The following MTUS2 variants were observed in gnomAD, a reference collection of about 807,000 sequenced individuals.
The protein encoded by MTUS2 is microtubule-associated tumor suppressor candidate 2.
A neutral mutation model predicts 114.1 loss-of-function variants in MTUS2; 40 were observed. The observed-to-expected ratio is 0.35, with a 90% confidence interval of 0.27 to 0.46. MTUS2 has a LOEUF of 0.46. Among genes scored for constraint, MTUS2 ranks in the 20% least tolerant of loss-of-function variants. The pLI is 1.00. For missense variants in MTUS2, 1,679 were observed against 1,705.4 expected, an observed-to-expected ratio of 0.98 and a Z score of 0.27; for synonymous variants, 688 against 672.0, an observed-to-expected ratio of 1.02 and a Z score of -0.37.
At chr13:28,829,222 A>G (rs2137942874) in intron 1 of MTUS2, among the ~76,000 whole-genome samples, 2 of 152,280 alleles carry the variant, frequency 1.3e-5, no homozygotes, top group East Asian at 3.9e-4. Context: ...GCTCCATTGT[A>G]GCCTTCAAAA....
In MTUS2 at chr13:29,467,604, T is replaced by C. The variant is rs1879978769; in HGVS notation, c.3185-12546T>C. 2.0e-5 allele frequency among the ~76,000 whole-genome samples: 3 copies of C among 152,174 alleles called. No homozygotes were observed. In the South Asian group the frequency reaches 6.2e-4, roughly 32 times the overall value. On this transcript the variant is annotated intron_variant, in intron 9 of 15. Coordinates refer to ENST00000612955, the MANE Select transcript of MTUS2 (RefSeq NM_001033602.4). Reference sequence around the variant, plus strand: ...CATTTCCTGTTTATGGGCAGTAGTGTTATTAGTTCTCACTTGGACAGCATT... The same window carrying C: ...CATTTCCTGTTTATGGGCAGTAGTGCTATTAGTTCTCACTTGGACAGCATT...
chr13:29,394,271 A>C (rs1873733997), intron 8 of MTUS2, among the ~76,000 whole-genome samples: 2 of 152,186 alleles, frequency 1.3e-5, no homozygotes, highest in South Asian at 4.1e-4. Context: ...TAGGGGGACA[A>C]AAGTTACAGG....
intron 5 of MTUS2, among the ~76,000 whole-genome samples, chr13:29,221,634 A>T (rs1484123515): frequency 6.6e-6 from 1 of 152,064 alleles, no homozygotes; most frequent in Non-Finnish European, 1.5e-5. Flanking sequence ...TATATTTTAA[A>T]TTTACTTATG....
chr13:29,252,520 A>C (rs1252696840), intron 5 of MTUS2, among the ~76,000 whole-genome samples: 1 of 152,164 alleles, frequency 6.6e-6, no homozygotes, highest in Non-Finnish European at 1.5e-5. Context: ...ACATGGTTTT[A>C]GGTGCTGCCA....
rs1882697738 is a variant in MTUS2, at chr13:29,498,521, T to G, written c.3782T>G (p.Leu1261Arg). ...QQIHEQEKKI[L>R]ELEKLAEKNI... The stretch of plus-strand genomic sequence containing the variant: ...ATACACGAGCAAGAAAAGAAGATTC[T>G]TGAGCTGGAAAAGCTGGTGAGTTGG... Residue 1261 changes from leucine (L) to arginine (R), a missense_variant, in exon 14 of 16, where the codon CTT (leucine) becomes CGT (arginine). Coordinates refer to ENST00000612955, the MANE Select transcript of MTUS2 (RefSeq NM_001033602.4). 3 of 1,614,176 alleles carry G rather than the reference T, an allele frequency of 1.9e-6. No homozygotes were observed. Among genetic ancestry groups the G allele is most frequent in the Non-Finnish European group, 2.5e-6 (3 of 1,180,036 alleles).
intron 2 of MTUS2, among the ~76,000 whole-genome samples, chr13:28,873,592 T>C (rs964064868): frequency 6.6e-6 from 1 of 152,374 alleles, no homozygotes; most frequent in African/African-American, 2.4e-5. Context: ...TATCCATTAA[T>C]CTCTAGTGGA....
chr13:28,967,065 G>C (rs556456303), intron 2 of MTUS2, among the ~76,000 whole-genome samples: 1 of 152,328 alleles, frequency 6.6e-6, no homozygotes, highest in East Asian at 1.9e-4. Context: ...ACTACCTCAT[G>C]AAACTGCCTA....
chr13:29,052,801 C>T (rs1251053683), intron 4 of MTUS2, among the ~76,000 whole-genome samples: 1 of 152,150 alleles, frequency 6.6e-6, no homozygotes, highest in Non-Finnish European at 1.5e-5. Context: ...ACCCAAATCT[C>T]ACCTTGAATT....
At chr13:28,976,060 C>T (rs1240217355) in intron 2 of MTUS2, among the ~76,000 whole-genome samples, 5 of 151,872 alleles carry the variant, frequency 3.3e-5, no homozygotes, top group African/African-American at 1.2e-4. Context: ...AAAAAATAGG[C>T]AGGTGCGGTG....
intron 2 of MTUS2, among the ~76,000 whole-genome samples, chr13:28,890,284 A>G (rs1260089032): frequency 1.3e-5 from 2 of 152,166 alleles, no homozygotes; most frequent in Admixed American, 6.6e-5. Flanking sequence ...GTATATAAGA[A>G]CTACCATTAT....
chr13:29,100,758 T>C lies in MTUS2; in HGVS notation c.2447-15T>C. Reference sequence around the variant, plus strand: ...ACTGAGAATAATTTTTTAATTTTATTTGGGTTCGTTTTAGCAGATTTAAAG... The same window carrying C: ...ACTGAGAATAATTTTTTAATTTTATCTGGGTTCGTTTTAGCAGATTTAAAG... On this transcript the variant is annotated splice_polypyrimidine_tract_variant and intron_variant, in intron 4 of 15. Coordinates refer to ENST00000612955, the MANE Select transcript of MTUS2 (RefSeq NM_001033602.4). 6.5e-7 allele frequency: 1 copy of C among 1,548,914 alleles called. No homozygotes were observed. Among genetic ancestry groups the C allele is most frequent in the South Asian group, 1.2e-5 (1 of 83,788 alleles).
chr13:29,466,747 C>A (rs759221260), intron 9 of MTUS2, among the ~76,000 whole-genome samples: 1 of 151,690 alleles, frequency 6.6e-6, no homozygotes, highest in Non-Finnish European at 1.5e-5. Flanking sequence ...TGTGGTGGTG[C>A]GTGTCTATAG....
rs1886502436 is a variant in MTUS2 at position 29,025,699 on chromosome 13, G to A, written c.1001G>A (p.Cys334Tyr). ...GCAGCCCAGGAAGGGTATCTGGGATGCCACAAGGAAGAGAATCTGTCAGCC... is the reference window on the plus strand; with the variant it reads ...GCAGCCCAGGAAGGGTATCTGGGATACCACAAGGAAGAGAATCTGTCAGCC... Reference protein sequence around the residue: ...GKAAQEGYLGCHKEENLSALE... With the variant: ...GKAAQEGYLGYHKEENLSALE... The change falls in exon 3 of 16, where the codon TGC (cysteine) becomes TAC (tyrosine). Residue 334 changes from cysteine (C) to tyrosine (Y), a missense_variant. Cys to Tyr is a radical substitution (Grantham distance 194). Around this residue, in one of 3 missense-constraint regions of MTUS2, gnomAD observed 843 missense variants for 770.8 expected, o/e 1.09. Coordinates refer to ENST00000612955, the MANE Select transcript of MTUS2 (RefSeq NM_001033602.4). 2.5e-6 allele frequency: 4 copies of A among 1,613,892 alleles called. No homozygotes were observed. In the Admixed American group the frequency reaches 6.7e-5, roughly 27 times the overall value.
chr13:29,186,821 A>T (rs1458720893), intron 5 of MTUS2, among the ~76,000 whole-genome samples: 1 of 152,204 alleles, frequency 6.6e-6, no homozygotes, highest in Non-Finnish European at 1.5e-5. Flanking sequence ...AATGCACATT[A>T]TTCTCAAGTG....
At chr13:29,075,282 A>AAATGCATCAGG (rs11275266) in intron 4 of MTUS2, among the ~76,000 whole-genome samples, 86,816 of 151,524 alleles carry the variant, frequency 0.57, 25,121 homozygotes, top group Non-Finnish European at 0.61. Context: ...AGCAGCTCTG[A>AAATGCATCAGG]ACACACGTTG....
At chr13:29,075,657 C>T (rs553879005) in intron 4 of MTUS2, among the ~76,000 whole-genome samples, 1 of 152,304 alleles carries the variant, frequency 6.6e-6, no homozygotes, top group Admixed American at 6.5e-5. Context: ...TACTGAGGGA[C>T]AACAACTTTA....
intron 5 of MTUS2, among the ~76,000 whole-genome samples, chr13:29,228,404 A>T (rs4444183): frequency 6.6e-6 from 1 of 151,440 alleles, no homozygotes; most frequent in African/African-American, 2.4e-5. Context: ...CACTGCAGCC[A>T]CAACCTCCTG....
At chr13:29,222,967 G>A (rs1895965903) in intron 5 of MTUS2, among the ~76,000 whole-genome samples, 1 of 152,194 alleles carries the variant, frequency 6.6e-6, no homozygotes, top group Non-Finnish European at 1.5e-5. Context: ...ACGAACATGG[G>A]ACAGAGGCCA....
At chr13:29,109,867 G>A (rs1377101366) in intron 5 of MTUS2, among the ~76,000 whole-genome samples, 2 of 152,164 alleles carry the variant, frequency 1.3e-5, no homozygotes, top group East Asian at 1.9e-4. Context: ...TCAGGCAGAC[G>A]ACATATATTC....
Sources: allele counts gnomAD v4.1 joint callset (sites outside exome capture counted in the v4.1 genomes callset), GRCh38; gene constraint gnomAD v4.1.1; regional missense constraint gnomAD v4.1.1; transcripts MANE v1.5; gene names NCBI Gene and HGNC (gene_info 2026-07-23, HGNC 2026-07-21).